The following VPS9D1 variants were observed in gnomAD, a reference collection of about 807,000 sequenced individuals.
VPS9D1 encodes VPS9 domain-containing protein 1.
In VPS9D1, 78 loss-of-function variants were observed where a neutral mutation model predicts 75.8. The ratio of observed to expected loss-of-function variants is 1.03; its 90% CI spans 0.86 to 1.24. The LOEUF (loss-of-function observed/expected upper bound fraction) is 1.24. VPS9D1 is among the 50% of genes most tolerant of loss of function. The pLI is 0.00. For missense variants in VPS9D1, 1,057 were observed against 847.7 expected, an observed-to-expected ratio of 1.25 and a Z score of -3.07; for synonymous variants, 481 against 385.6, an observed-to-expected ratio of 1.25 and a Z score of -2.90.
intron 14 of VPS9D1, 36 bp from the exon 15 acceptor site, chr16:89,707,990 A>G (rs762803136): frequency 1.3e-6 from 2 of 1,598,874 alleles, no homozygotes; most frequent in Non-Finnish European, 1.7e-6. Flanking sequence ...TGTCATCTGA[A>G]CGAACAGAAG....
Position 89,711,920 on chromosome 16 carries a change from C to T in VPS9D1, c.709G>A (p.Ala237Thr), listed in dbSNP as rs199905968. Reference sequence around the variant, plus strand: ...TACTCCAGGATGGCGGCGTAAAGGGCCCGCTGCTCCCGTTCCTCCGGGGTC... The same window carrying T: ...TACTCCAGGATGGCGGCGTAAAGGGTCCGCTGCTCCCGTTCCTCCGGGGTC... ...ALTPEEREQR[A>T]LYAAILEYEQ... Residue 237 changes from alanine to threonine, a missense_variant, in exon 8 of 15, where the codon GCC (alanine) becomes ACC (threonine). Transcript: ENST00000389386. 4.5e-6 allele frequency: 7 copies of T among 1,551,528 alleles called. No individual in the cohort carries two copies. The highest frequency in any genetic ancestry group is 2.4e-5 in the East Asian group (1 of 41,006).
In VPS9D1 at chr16:89,715,125, A is replaced by G. The variant is rs549589863; in HGVS notation, c.431+1337T>C. ...TTTCCAATACATGAATTTGCTCTTC[A>G]GCTATATCTGCTCTGCTGTTATAAA... On this transcript the variant is annotated intron_variant, in intron 4 of 14. Coordinates refer to ENST00000389386, the MANE Select transcript of VPS9D1 (RefSeq NM_004913.3). Among the ~76,000 whole-genome samples the G allele has an allele frequency of 2.0e-5, 3 of 152,084 alleles. No individual in the cohort carries two copies. In the East Asian group the frequency reaches 5.8e-4, roughly 29 times the overall value.
At chr16:89,709,991 C>G in intron 10 of VPS9D1, 85 bp from the exon 11 acceptor site, 2 of 1,507,460 alleles carry the variant, frequency 1.3e-6, no homozygotes, top group East Asian at 2.3e-5. Flanking sequence ...CTTTCTCCGC[C>G]CAAGAAACCT....
rs74033841 is a variant in VPS9D1 at position 89,716,382 on chromosome 16, A to G, written c.431+80T>C. 4,557 of 1,577,084 alleles carry G rather than the reference A, an allele frequency of 2.9e-3. 121 individuals carry two copies. In the African/African-American group the frequency reaches 0.057, roughly 20 times the overall value. On this transcript the variant is annotated intron_variant, in intron 4 of 14. Transcript: ENST00000389386. ...CTCTGTCTCAAAAAACAAAAAAAAAATCGCTGTCATCAGCTCATCTTTCTC... is the reference window on the plus strand; with the variant it reads ...CTCTGTCTCAAAAAACAAAAAAAAAGTCGCTGTCATCAGCTCATCTTTCTC...
rs61747704 is a variant in VPS9D1 at position 89,707,880 on chromosome 16, C to G, written c.1877G>C (p.Arg626Pro). ...SALSYVELLP[R>P]GGLAK Reference sequence around the variant, plus strand: ...GCTGTACTACTTGGCCAGGCCTCCCCGGGGCAGCAGCTCCACGTAGCTCAG... The same window carrying G: ...GCTGTACTACTTGGCCAGGCCTCCCGGGGGCAGCAGCTCCACGTAGCTCAG... Residue 626 changes from arginine to proline, a missense_variant, in exon 15 of 15, where the codon CGG (arginine) becomes CCG (proline). By Grantham distance (103) the Arg-to-Pro change is moderately radical. Coordinates refer to ENST00000389386, the MANE Select transcript of VPS9D1 (RefSeq NM_004913.3). The G allele has an allele frequency of 5.6e-6, 9 of 1,613,082 alleles. No individual in the cohort carries two copies. Among genetic ancestry groups the G allele is most frequent in the Non-Finnish European group, 7.6e-6 (9 of 1,179,930 alleles).
At chr16:89,718,771 A>T (rs548457110) in intron 2 of VPS9D1, among the ~76,000 whole-genome samples, 1 of 151,462 alleles carries the variant, frequency 6.6e-6, no homozygotes, top group African/African-American at 2.4e-5. Flanking sequence ...CTGGAGTACA[A>T]TGGGGTGATC....
intron 1 of VPS9D1, among the ~76,000 whole-genome samples, chr16:89,720,070 G>A (rs1027182744): frequency 1.3e-5 from 2 of 152,196 alleles, no homozygotes; most frequent in African/African-American, 2.4e-5. Flanking sequence ...CTATCTTTAA[G>A]TCTATGCCTC....
chr16:89,712,680 A>C lies in VPS9D1; in HGVS notation c.468T>G (p.Asn156Lys). Residue 156 changes from asparagine to lysine, a missense_variant, in exon 5 of 15, where the codon AAT becomes AAG. Coordinates refer to ENST00000389386, the MANE Select transcript of VPS9D1 (RefSeq NM_004913.3). ...CCTCATACGCAGCCTTCAGCTTCTGATTCTGCAGGGAGGCCTCCTCCAGTG... is the reference window on the plus strand; with the variant it reads ...CCTCATACGCAGCCTTCAGCTTCTGCTTCTGCAGGGAGGCCTCCTCCAGTG... ...LTPLEEASLQ[N>K]QKLKAAYEAR... 2 of 1,611,526 alleles carry C rather than the reference A, an allele frequency of 1.2e-6. No homozygotes were observed. The highest frequency in any genetic ancestry group is 8.5e-7 in the Non-Finnish European group (1 of 1,178,460).
chr16:89,711,544 G>A, intron 8 of VPS9D1, 132 bp from the exon 9 acceptor site: 2 of 916,058 alleles, frequency 2.2e-6, no homozygotes, highest in South Asian at 1.7e-5. Context: ...AGCGCCAGCA[G>A]GCCCCGCGAC....
chr16:89,709,480 C>G, intron 11 of VPS9D1, 45 bp from the exon 12 acceptor site: 1 of 1,483,308 alleles, frequency 6.7e-7, no homozygotes, highest in East Asian at 2.3e-5. Flanking sequence ...GGGACCTTGC[C>G]CTGGGGACAG....
At position 89,712,663 on chromosome 16, in the gene VPS9D1, G is replaced by A. The variant is rs2060963494; in HGVS notation, c.485C>T (p.Ala162Val). The A allele has an allele frequency of 1.9e-6, 3 of 1,611,824 alleles. No homozygotes were observed. The highest frequency in any genetic ancestry group is 1.7e-6 in the Non-Finnish European group (2 of 1,178,792). ...ASLQNQKLKA[A>V]YEARMARLDP... ...TAGCCGCGCCATTCGGGCCTCATAC[G>A]CAGCCTTCAGCTTCTGATTCTGCAG... Residue 162 changes from alanine to valine, a missense_variant, in exon 5 of 15, where the codon GCG (alanine) becomes GTG (valine). Transcript: ENST00000389386.
At position 89,716,484 on chromosome 16, in the gene VPS9D1, C is replaced by T; in HGVS notation, c.409G>A (p.Ala137Thr). The T allele has an allele frequency of 1.2e-6, 2 of 1,614,044 alleles. No individual in the cohort carries two copies. The highest frequency in any genetic ancestry group is 2.2e-5 in the East Asian group (1 of 44,884). The stretch of plus-strand genomic sequence containing the variant: ...TACTTCTTACAGCTTTGTGACTCTG[C>T]CCCCTGAAGCTTCTGGAAGATCTCG... ...PPEIFQKLQG[A>T]ESQSCKKELT... Residue 137 changes from alanine to threonine, a missense_variant, in exon 4 of 15, where the codon GCA becomes ACA. Ala to Thr is a moderately conservative substitution (Grantham distance 58). Coordinates refer to ENST00000389386, the MANE Select transcript of VPS9D1 (RefSeq NM_004913.3).
chr16:89,709,021 C>CCCCCCCCCCCCCCCCCCCCCCCCCCCG (rs1555522635), intron 12 of VPS9D1, 65 bp from the exon 13 acceptor site: 1 of 1,427,618 alleles, frequency 7.0e-7, no homozygotes, highest in African/African-American at 1.5e-5. Context: ...ACCCCTTATA[C>CCCCCCCCCCCCCCCCCCCCCCCCCCCG]CCCGCCCACC....
intron 4 of VPS9D1, among the ~76,000 whole-genome samples, chr16:89,715,667 G>A (rs2061047251): frequency 6.6e-6 from 1 of 151,454 alleles, no homozygotes; most frequent in African/African-American, 2.4e-5. Flanking sequence ...GACTACAGGG[G>A]CACACCACTA....
At chr16:89,708,618 C>G in intron 13 of VPS9D1, 87 bp from the exon 14 acceptor site, 1 of 1,397,002 alleles carries the variant, frequency 7.2e-7, no homozygotes, top group South Asian at 1.3e-5. Context: ...CCTGGCCGTG[C>G]TGGCCGCCAT....
Position 89,712,504 on chromosome 16 carries a change from G to C in VPS9D1, c.562C>G (p.Gln188Glu). 1 of 1,613,108 alleles carries C rather than the reference G, an allele frequency of 6.2e-7. No individual in the cohort carries two copies. Among genetic ancestry groups the C allele is most frequent in the East Asian group, 2.2e-5 (1 of 44,876 alleles). Residue 188 changes from glutamine (Q) to glutamate (E), a missense_variant, in exon 6 of 15, where the codon CAG (glutamine) becomes GAG (glutamate). By Grantham distance (29) the Gln-to-Glu change is conservative. Transcript: ENST00000389386. ...GCAATCACTAGGTTCTCCATCATCTGCCGCTGTAGAGAGAGGGTCTGGGGG... is the reference window on the plus strand; with the variant it reads ...GCAATCACTAGGTTCTCCATCATCTCCCGCTGTAGAGAGAGGGTCTGGGGG... ...KTSLTLSLQR[Q>E]MMENLVIAKA...
chr16:89,710,478 G>A, intron 10 of VPS9D1, 108 bp downstream of exon 10: 1 of 1,259,400 alleles, frequency 7.9e-7, no homozygotes, highest in Non-Finnish European at 1.1e-6. Flanking sequence ...ATGTAAGTCT[G>A]ATCAGAGTCT....
chr16:89,711,719 G>T, intron 8 of VPS9D1, 163 bp downstream of exon 8: 1 of 896,478 alleles, frequency 1.1e-6, no homozygotes, highest in Non-Finnish European at 1.7e-6. Context: ...CGCAGCCCTG[G>T]CCCCGCCCCC....
In VPS9D1 at chr16:89,710,783, G is replaced by C. The variant is rs747520145; in HGVS notation, c.1061C>G (p.Pro354Arg). Reference protein sequence around the residue: ...PRPQDSPPTPPLQPGPVGSPS... With the variant: ...PRPQDSPPTPRLQPGPVGSPS... ...AGACCCCACGGGGCCGGGTTGGAGT[G>C]GGGGCGTGGGGGGACTGTCCTGGGG... Residue 354 changes from proline to arginine, a missense_variant, in exon 10 of 15, where the codon CCA (proline) becomes CGA (arginine). Coordinates refer to ENST00000389386, the MANE Select transcript of VPS9D1 (RefSeq NM_004913.3). 2 of 1,551,284 alleles carry C rather than the reference G, an allele frequency of 1.3e-6. No homozygotes were observed. Among genetic ancestry groups the C allele is most frequent in the East Asian group, 2.4e-5 (1 of 41,100 alleles).
Sources: allele counts gnomAD v4.1 joint callset (sites outside exome capture counted in the v4.1 genomes callset), GRCh38; gene constraint gnomAD v4.1.1; transcripts MANE v1.5; gene names NCBI Gene and HGNC (gene_info 2026-07-23, HGNC 2026-07-21).